BRINP2: variants seen among roughly 807,000 people sequenced by gnomAD.
BRINP2 encodes the protein BMP/retinoic acid inducible neural specific 2, also known as BMP/retinoic acid-inducible neural-specific protein 2.
Under a neutral mutation model 69.2 loss-of-function variants are expected in BRINP2, and 21 were observed. The ratio of observed to expected loss-of-function variants is 0.30; its 90% CI spans 0.22 to 0.44. The LOEUF is 0.44. Ranked by LOEUF, BRINP2 falls within the 20% of genes least tolerant of loss-of-function variation. The probability of loss-of-function intolerance (pLI) is 1.00; values close to 1 mark genes in which losing one functional copy is unlikely to be tolerated. For synonymous variants in BRINP2, 380 were observed against 394.1 expected (o/e 0.96, Z 0.42); for missense variants, 877 against 986.0 (o/e 0.89, Z 1.48).
chr1:177,257,157 C>G lies in BRINP2; in HGVS notation c.461-19C>G. The G allele has an allele frequency of 2.5e-6, 4 of 1,613,170 alleles. No homozygotes were observed. The highest frequency in any genetic ancestry group is 3.4e-6 in the Non-Finnish European group (4 of 1,179,290). On this transcript the variant is annotated intron_variant, in intron 3 of 7. Coordinates refer to ENST00000361539, the MANE Select transcript of BRINP2 (RefSeq NM_021165.4). ...GAGAGCAGAGAGCGTCACCAATACACTCGTGTTGTTCACCATAGGAGAAGA... is the reference window on the plus strand; with the variant it reads ...GAGAGCAGAGAGCGTCACCAATACAGTCGTGTTGTTCACCATAGGAGAAGA...
intron 1 of BRINP2, among the ~76,000 whole-genome samples, chr1:177,209,805 G>A (rs560566455): frequency 6.6e-6 from 1 of 152,058 alleles, no homozygotes; most frequent in African/African-American, 2.4e-5. Flanking sequence ...ATAATACCTT[G>A]TTCTAATTTT....
At position 177,235,440 on chromosome 1, in the gene BRINP2, A is replaced by G. The variant is rs954583900; in HGVS notation, c.269+5295A>G. ...GGTAAATCTAGGAGTTATTAGTGCCAAGACATATGAACTCATAAGAGTAGG... is the reference window on the plus strand; with the variant it reads ...GGTAAATCTAGGAGTTATTAGTGCCGAGACATATGAACTCATAAGAGTAGG... On this transcript the variant is annotated intron_variant, in intron 2 of 7. Transcript: ENST00000361539. 3.2e-4 allele frequency among the ~76,000 whole-genome samples: 49 copies of G among 152,326 alleles called. 2 individuals carry two copies. Among genetic ancestry groups the G allele is most frequent in the Middle Eastern group, 3.4e-3 (1 of 294 alleles).
chr1:177,239,469 CA>C (rs952356605), intron 2 of BRINP2, among the ~76,000 whole-genome samples: 1 of 152,204 alleles, frequency 6.6e-6, no homozygotes, highest in African/African-American at 2.4e-5. Context: ...CTTGCCTGGC[CA>C]TGGCTTATAA....
At chr1:177,201,618 AT>A (rs1648913712) in intron 1 of BRINP2, among the ~76,000 whole-genome samples, 1 of 152,222 alleles carries the variant, frequency 6.6e-6, no homozygotes, top group Non-Finnish European at 1.5e-5. Flanking sequence ...TATGTCATGA[AT>A]GGAGCTCCCT....
Position 177,281,201 on chromosome 1 carries a change from G to C in BRINP2, c.2025G>C (p.Leu675Phe), listed in dbSNP as rs1651689742. The change falls in exon 8 of 8, where the codon TTG becomes TTC. Residue 675 changes from leucine (L) to phenylalanine (F), a missense_variant. Coordinates refer to ENST00000361539, the MANE Select transcript of BRINP2 (RefSeq NM_021165.4). Reference sequence around the variant, plus strand: ...AGATGACTGATCCCTCTAAGAATTTGGGTTACATGAAAATTAACACCTTGC... The same window carrying C: ...AGATGACTGATCCCTCTAAGAATTTCGGTTACATGAAAATTAACACCTTGC... ...PLEMTDPSKN[L>F]GYMKINTLQV... 1 of 1,614,036 alleles carries C rather than the reference G, an allele frequency of 6.2e-7. No homozygotes were observed. The highest frequency in any genetic ancestry group is 1.7e-5 in the Admixed American group (1 of 60,002).
intron 2 of BRINP2, among the ~76,000 whole-genome samples, chr1:177,240,594 A>C (rs771099285): frequency 1.3e-5 from 2 of 152,210 alleles, no homozygotes; most frequent in Non-Finnish European, 2.9e-5. Flanking sequence ...TGAGAAACTC[A>C]GGAACAAGTG....
intron 1 of BRINP2, among the ~76,000 whole-genome samples, chr1:177,218,918 T>C (rs1333213374): frequency 1.3e-5 from 2 of 152,256 alleles, no homozygotes; most frequent in African/African-American, 2.4e-5. Context: ...ACCATCTTGC[T>C]GATGTCACTT....
rs1651650969 is a variant in BRINP2, at chr1:177,280,400, C to T, written c.1236-12C>T. 5.1e-6 allele frequency: 8 copies of T among 1,574,148 alleles called. No homozygotes were observed. Among genetic ancestry groups the T allele is most frequent in the Non-Finnish European group, 6.0e-6 (7 of 1,159,432 alleles). The stretch of plus-strand genomic sequence containing the variant: ...TTTTGACTCTTACTTCATTTTATCT[C>T]TGCTCCCCAAGGTCCTTGTCCTACT... On this transcript the variant is annotated splice_polypyrimidine_tract_variant and intron_variant, in intron 7 of 7. Transcript: ENST00000361539.
chr1:177,172,256 C>T (rs1647958800), intron 1 of BRINP2, among the ~76,000 whole-genome samples: 1 of 152,160 alleles, frequency 6.6e-6, no homozygotes, highest in South Asian at 2.1e-4. Flanking sequence ...ACAGTGAACC[C>T]TGTAGGTTGC....
intron 1 of BRINP2, among the ~76,000 whole-genome samples, chr1:177,180,669 G>T (rs1648219046): frequency 6.6e-6 from 1 of 152,090 alleles, no homozygotes; most frequent in African/African-American, 2.4e-5. Context: ...GGCCTAGGGG[G>T]TCTGGAGCTC....
intron 1 of BRINP2, among the ~76,000 whole-genome samples, chr1:177,225,364 G>T (rs547526157): frequency 5.3e-5 from 8 of 152,280 alleles, no homozygotes; most frequent in Middle Eastern, 3.4e-3. Context: ...ACCGTCTTAA[G>T]TGTGGTCTAA....
rs1171743290 is a variant in BRINP2, at chr1:177,281,693, A to C, written c.*165A>C. 3 of 877,930 alleles carry C rather than the reference A, an allele frequency of 3.4e-6. No homozygotes were observed. The highest frequency in any genetic ancestry group is 3.4e-6 in the Non-Finnish European group (2 of 583,274). 54.4% of individuals were successfully genotyped at this position (877,930 alleles called of 1,614,324 possible). On this transcript the variant is annotated 3_prime_UTR_variant, in exon 8 of 8. Transcript: ENST00000361539. ...GAGCTGAAGCAGGCGAGAGAGAAAC[A>C]GCTACTGCGTGCGTGCGCGCACGCA... is the stretch of plus-strand genomic sequence containing the variant.
chr1:177,248,549 G>GA (rs1291381013), intron 2 of BRINP2, among the ~76,000 whole-genome samples: 2 of 151,720 alleles, frequency 1.3e-5, no homozygotes, highest in Non-Finnish European at 2.9e-5. Flanking sequence ...GCTGCATAGG[G>GA]AGGGAGGCTT....
rs116435932 is a variant in BRINP2, at chr1:177,208,392, A to G, written c.-76-21409A>G. ...GGAAGGATAGTTTTGTGTTTGAAACAAATATCCAACAAATGAGAATAAGTA... is the reference window on the plus strand; with the variant it reads ...GGAAGGATAGTTTTGTGTTTGAAACGAATATCCAACAAATGAGAATAAGTA... On this transcript the variant is annotated intron_variant, in intron 1 of 7. Transcript: ENST00000361539. Among the ~76,000 whole-genome samples the G allele has an allele frequency of 8.5e-3, 1,296 of 152,342 alleles. 17 individuals are homozygous for G. Among genetic ancestry groups the G allele is most frequent in the African/African-American group, 0.03 (1,245 of 41,578 alleles).
At chr1:177,196,355 C>A (rs989071326) in intron 1 of BRINP2, among the ~76,000 whole-genome samples, 1 of 152,232 alleles carries the variant, frequency 6.6e-6, no homozygotes, top group Admixed American at 6.5e-5. Flanking sequence ...CGGTGGCTCA[C>A]GCCTGTAATC....
At chr1:177,237,719 G>A (rs1650073566) in intron 2 of BRINP2, among the ~76,000 whole-genome samples, 1 of 152,156 alleles carries the variant, frequency 6.6e-6, no homozygotes, top group Non-Finnish European at 1.5e-5. Flanking sequence ...AAGGAAAAGA[G>A]GATTAAATTT....
intron 1 of BRINP2, among the ~76,000 whole-genome samples, chr1:177,208,602 G>A (rs1207475269): frequency 6.6e-6 from 1 of 151,946 alleles, no homozygotes; most frequent in African/African-American, 2.4e-5. Flanking sequence ...TTCTACATTT[G>A]CATCATAGCC....
chr1:177,173,736 CCT>C (rs1429844490), intron 1 of BRINP2, among the ~76,000 whole-genome samples: 1 of 152,182 alleles, frequency 6.6e-6, no homozygotes, highest in Non-Finnish European at 1.5e-5. Flanking sequence ...CTCCTGATCC[CCT>C]TTCCCAAGAC....
chr1:177,193,540 C>T (rs746704580), intron 1 of BRINP2, among the ~76,000 whole-genome samples: 1 of 152,126 alleles, frequency 6.6e-6, no homozygotes, highest in Non-Finnish European at 1.5e-5. Context: ...CTTTCAGGAA[C>T]CATATAATTG....
Sources: allele counts gnomAD v4.1 joint callset (sites outside exome capture counted in the v4.1 genomes callset), GRCh38; gene constraint gnomAD v4.1.1; transcripts MANE v1.5; gene names NCBI Gene and HGNC (gene_info 2026-07-23, HGNC 2026-07-21).